Variants in KCNB2 observed in about 807,000 individuals in gnomAD.
KCNB2 encodes potassium voltage-gated channel subfamily B member 2.
Under a neutral mutation model 61.5 loss-of-function variants are expected in KCNB2, and 15 were observed. That is an observed-to-expected ratio of 0.24 (90% CI 0.16 to 0.38). The LOEUF (loss-of-function observed/expected upper bound fraction) is 0.38. KCNB2 is among the 10% of genes least tolerant of loss of function. The pLI, the probability that KCNB2 is intolerant of heterozygous loss-of-function variation, is 1.00. For missense variants in KCNB2, 828 were observed against 1,125.2 expected (o/e 0.74, Z 3.78); for synonymous variants, 457 against 446.0 (o/e 1.02, Z -0.31).
At position 72,568,005 on chromosome 8, in the gene KCNB2, C is replaced by T; in HGVS notation, c.271C>T (p.Arg91Trp). ...NLNENEYFFD[R>W]HPGAFTSILN... ...GAACGAGAACGAGTATTTCTTTGAT[C>T]GGCATCCAGGAGCCTTCACTTCCAT... Residue 91 changes from arginine to tryptophan, a missense_variant, in exon 2 of 3, where the codon CGG becomes TGG. Around this residue, in one of 4 missense-constraint regions of KCNB2, gnomAD observed 163 missense variants for 314.4 expected, o/e 0.52. Transcript: ENST00000523207. 6.2e-7 allele frequency: 1 copy of T among 1,614,056 alleles called. No individual in the cohort carries two copies. Among genetic ancestry groups the T allele is most frequent in the Non-Finnish European group, 8.5e-7 (1 of 1,179,990 alleles).
chr8:72,824,379 C>T (rs1303124321), intron 2 of KCNB2, among the ~76,000 whole-genome samples: 1 of 152,004 alleles, frequency 6.6e-6, no homozygotes, highest in Non-Finnish European at 1.5e-5. Context: ...CTGGAGGATC[C>T]CTGCTGGGTT....
chr8:72,692,634 A>G (rs1208790478), intron 2 of KCNB2, among the ~76,000 whole-genome samples: 1 of 152,188 alleles, frequency 6.6e-6, no homozygotes, highest in Non-Finnish European at 1.5e-5. Context: ...AAATAAAGTC[A>G]TTCCATCTCA....
At position 72,821,954 on chromosome 8, in the gene KCNB2, G is replaced by T. The variant is rs75563446; in HGVS notation, c.580-113981G>T. ...TCAGTTACCAAGTCCAGTGGATTCC[G>T]CCACCTCAATATATCTTACCCTCAT... is the stretch of plus-strand genomic sequence containing the variant. On this transcript the variant is annotated intron_variant, in intron 2 of 2. Coordinates refer to ENST00000523207, the MANE Select transcript of KCNB2 (RefSeq NM_004770.3). 3.2e-4 allele frequency among the ~76,000 whole-genome samples: 48 copies of T among 152,078 alleles called. No individual in the cohort carries two copies. The East Asian group carries it at 5.6e-3, about 18-fold the overall frequency.
At chr8:72,720,549 C>T (rs1042378304) in intron 2 of KCNB2, among the ~76,000 whole-genome samples, 14 of 152,192 alleles carry the variant, frequency 9.2e-5, no homozygotes, top group African/African-American at 3.4e-4. Flanking sequence ...TGTTTCCTCA[C>T]TGTAGTCACA....
chr8:72,887,877 A>G (rs1805831898), intron 2 of KCNB2, among the ~76,000 whole-genome samples: 2 of 152,166 alleles, frequency 1.3e-5, no homozygotes, highest in African/African-American at 4.8e-5. Flanking sequence ...AACAGGCCTG[A>G]TGGTGTGAAC....
intron 2 of KCNB2, among the ~76,000 whole-genome samples, chr8:72,732,422 C>G (rs1429126293): frequency 6.6e-6 from 1 of 152,218 alleles, no homozygotes; most frequent in African/African-American, 2.4e-5. Flanking sequence ...TGAGAGGCAG[C>G]CCACAGGCTT....
At chr8:72,869,577 A>G (rs903010789) in intron 2 of KCNB2, among the ~76,000 whole-genome samples, 1 of 151,700 alleles carries the variant, frequency 6.6e-6, no homozygotes, top group Non-Finnish European at 1.5e-5. Flanking sequence ...AGACACACAA[A>G]TGGCCAACAG....
At chr8:72,751,840 AC>A (rs1485668492) in intron 2 of KCNB2, 1 of 152,194 alleles carries the variant, frequency 6.6e-6, no homozygotes, top group African/African-American at 2.4e-5. Flanking sequence ...GCCCATACAC[AC>A]ACAAAATGAA....
chr8:72,869,170 G>A (rs778642273), intron 2 of KCNB2, among the ~76,000 whole-genome samples: 25 of 152,176 alleles, frequency 1.6e-4, no homozygotes, highest in Non-Finnish European at 3.1e-4. Context: ...TACCTGCCTT[G>A]AGCTTGATGA....
intron 2 of KCNB2, among the ~76,000 whole-genome samples, chr8:72,806,950 C>A (rs1020964743): frequency 6.6e-6 from 1 of 152,200 alleles, no homozygotes; most frequent in African/African-American, 2.4e-5. Flanking sequence ...TCTCTTTCTT[C>A]TTCCCTCCCT....
At chr8:72,725,565 G>GTGTA (rs1563571957) in intron 2 of KCNB2, among the ~76,000 whole-genome samples, 1 of 47,978 alleles carries the variant, frequency 2.1e-5, no homozygotes, top group Non-Finnish European at 5.0e-5. Context: ...ATGTATATAT[G>GTGTA]TATATATATG....
rs563359866 is a variant in KCNB2 at position 72,651,352 on chromosome 8, C to T, written c.579+83039C>T. Among the ~76,000 whole-genome samples the T allele has an allele frequency of 2.0e-5, 3 of 152,176 alleles. No individual in the cohort carries two copies. In the East Asian group the frequency reaches 5.8e-4, roughly 29 times the overall value. On this transcript the variant is annotated intron_variant, in intron 2 of 2. Transcript: ENST00000523207. Reference sequence around the variant, plus strand: ...GCTATTTGGACAGAGGAATAATAAGCAATTTTGTCTTGGGAATTCTTTCAA... The same window carrying T: ...GCTATTTGGACAGAGGAATAATAAGTAATTTTGTCTTGGGAATTCTTTCAA...
At chr8:72,725,156 A>G (rs1255492146) in intron 2 of KCNB2, among the ~76,000 whole-genome samples, 1 of 152,122 alleles carries the variant, frequency 6.6e-6, no homozygotes. Context: ...GATTATTCCA[A>G]AATTAAAATA....
At chr8:72,622,952 A>G (rs1805734660) in intron 2 of KCNB2, among the ~76,000 whole-genome samples, 1 of 152,166 alleles carries the variant, frequency 6.6e-6, no homozygotes, top group East Asian at 1.9e-4. Context: ...TCAAGACACC[A>G]TCTACTTGAG....
At chr8:72,782,887 C>A (rs2128998059) in intron 2 of KCNB2, among the ~76,000 whole-genome samples, 1 of 152,174 alleles carries the variant, frequency 6.6e-6, no homozygotes, top group East Asian at 1.9e-4. Context: ...GATTATACTA[C>A]AAGCTTTAGT....
chr8:72,742,553 G>T (rs1272773747), intron 2 of KCNB2, among the ~76,000 whole-genome samples: 1 of 152,098 alleles, frequency 6.6e-6, no homozygotes, highest in African/African-American at 2.4e-5. Context: ...TGCCTCTCTG[G>T]CTGGCTGATC....
At chr8:72,554,378 T>C (rs1350749242) in intron 1 of KCNB2, among the ~76,000 whole-genome samples, 2 of 152,146 alleles carry the variant, frequency 1.3e-5, no homozygotes, top group African/African-American at 4.8e-5. Flanking sequence ...ATTCTGACCA[T>C]TATTGGAATA....
At chr8:72,846,939 C>G (rs1810005921) in intron 2 of KCNB2, among the ~76,000 whole-genome samples, 1 of 152,160 alleles carries the variant, frequency 6.6e-6, no homozygotes, top group East Asian at 1.9e-4. Flanking sequence ...AATCATGCTG[C>G]TATAAAACAC....
At chr8:72,866,661 C>T (rs1305647163) in intron 2 of KCNB2, among the ~76,000 whole-genome samples, 3 of 152,168 alleles carry the variant, frequency 2.0e-5, no homozygotes, top group African/African-American at 7.2e-5. Flanking sequence ...CCTCTCAGGA[C>T]CCACTTGCAG....
Sources: gnomAD v4.1 joint callset for allele counts (sites outside exome capture counted in the v4.1 genomes callset) on GRCh38, gnomAD v4.1.1 for gene constraint, gnomAD v4.1.1 regional missense constraint, MANE v1.5 for transcripts, NCBI Gene and HGNC (gene_info 2026-07-23, HGNC 2026-07-21) for gene names.